Variants in BLM observed in about 807,000 individuals in gnomAD.
BLM encodes the protein recQ-like DNA helicase BLM.
A neutral mutation model predicts 135.3 loss-of-function variants in BLM; 95 were observed. The observed-to-expected ratio is 0.70, with a 90% CI of 0.59 to 0.83. The LOEUF (loss-of-function observed/expected upper bound fraction) is 0.83, where lower values mean the gene tolerates loss of function less well. Among genes scored for constraint, BLM ranks in the 40% least tolerant of loss-of-function variants. BLM has a pLI of 0.00. For synonymous variants in BLM, 520 were observed against 589.2 expected, an observed-to-expected ratio of 0.88 and a Z score of 1.70; for missense variants, 1,518 against 1,663.9, an observed-to-expected ratio of 0.91 and a Z score of 1.53.
chr15:90,726,992 T>A (rs1053313723), intron 1 of BLM, among the ~76,000 whole-genome samples: 4 of 152,200 alleles, frequency 2.6e-5, no homozygotes, highest in Admixed American at 2.6e-4. Flanking sequence ...TTTGTAGTTA[T>A]TTGAGGAACT....
chr15:90,749,289 T>C (rs28384987), intron 2 of BLM, 78 bp from the exon 3 acceptor site: 1 of 1,047,580 alleles, frequency 9.5e-7, no homozygotes, highest in Admixed American at 2.5e-5. Context: ...TGTGAATTAG[T>C]TTAAAAAATT....
At chr15:90,810,323 G>A (rs1414932813) in intron 20 of BLM, among the ~76,000 whole-genome samples, 1 of 152,146 alleles carries the variant, frequency 6.6e-6, no homozygotes, top group Non-Finnish European at 1.5e-5. Context: ...CTGAAGTGCT[G>A]GGGTTACAGG....
intron 1 of BLM, among the ~76,000 whole-genome samples, chr15:90,740,934 C>T (rs894458342): frequency 1.3e-5 from 2 of 152,046 alleles, no homozygotes; most frequent in Non-Finnish European, 2.9e-5. Flanking sequence ...TATAAATTAC[C>T]CACTCTCAGG....
At chr15:90,790,570 C>A (rs1896877858) in intron 14 of BLM, 79 bp from the exon 15 acceptor site, 2 of 1,350,458 alleles carry the variant, frequency 1.5e-6, no homozygotes, top group Non-Finnish European at 1.1e-6. Flanking sequence ...AATGATAGAG[C>A]TTTTAGAAGC....
chr15:90,779,563 A>G lies in BLM; in HGVS notation c.2556-3259A>G, dbSNP rs76801955. Among the ~76,000 whole-genome samples, 725 of 152,248 alleles carry G rather than the reference A, an allele frequency of 4.8e-3. 6 individuals are homozygous for G. Among genetic ancestry groups the G allele is most frequent in the African/African-American group, 0.017 (691 of 41,552 alleles). On this transcript the variant is annotated intron_variant, in intron 12 of 21. Transcript: ENST00000355112. ...CCTTTTTTGCCACAATCTGCTACAC[A>G]TTCTGCCTTTTCAAGCACTAAAAGG...
At chr15:90,792,082 ACTTTTTTTTTT>A (rs1896917879) in intron 15 of BLM, among the ~76,000 whole-genome samples, 1 of 111,726 alleles carries the variant, frequency 9.0e-6, no homozygotes, top group Non-Finnish European at 1.9e-5. Context: ...TTCTGAGACC[ACTTTTTTTTTT>A]CTTTTTTTTT....
chr15:90,767,341 C>T (rs1896162419), intron 10 of BLM, among the ~76,000 whole-genome samples: 2 of 152,284 alleles, frequency 1.3e-5, no homozygotes, highest in East Asian at 3.9e-4. Context: ...TACATTGATG[C>T]AGTACTATTA....
At chr15:90,736,435 T>A (rs954686306) in intron 1 of BLM, among the ~76,000 whole-genome samples, 2 of 151,956 alleles carry the variant, frequency 1.3e-5, no homozygotes, top group South Asian at 2.1e-4. Flanking sequence ...AATTTAAAAA[T>A]TTTTTTTATA....
chr15:90,744,139 G>T (rs1895439051), intron 1 of BLM, among the ~76,000 whole-genome samples: 1 of 152,172 alleles, frequency 6.6e-6, no homozygotes, highest in African/African-American at 2.4e-5. Flanking sequence ...TGGGAAAAGG[G>T]TAAGTAATGA....
chr15:90,725,516 C>A (rs11633882), intron 1 of BLM, among the ~76,000 whole-genome samples: 1 of 142,740 alleles, frequency 7.0e-6, no homozygotes, highest in South Asian at 2.2e-4. Flanking sequence ...TTTTTTGAGG[C>A]GGAGTCTCAC....
At chr15:90,735,706 A>T (rs929323792) in intron 1 of BLM, among the ~76,000 whole-genome samples, 2 of 152,120 alleles carry the variant, frequency 1.3e-5, no homozygotes. Flanking sequence ...AATTTTTTTT[A>T]AATTACCTAC....
At position 90,798,429 on chromosome 15, in the gene BLM, A is replaced by G. The variant is rs150433919; in HGVS notation, c.3358+92A>G. On this transcript the variant is annotated intron_variant, in intron 17 of 21. Transcript: ENST00000355112. ...AAGTACATAGAAAAACTTTTTGTCT[A>G]TTTTCTTATAAAACTTGAGTTTCTG... 3.5e-4 allele frequency: 473 copies of G among 1,368,984 alleles called. No homozygotes were observed. The African/African-American group carries it at 6.2e-3, about 18-fold the overall frequency. The allele number at this position is 1,368,984 out of a possible 1,614,324, so 84.8% of individuals were successfully genotyped here. A position where few individuals can be genotyped will look rare whatever the true frequency, so the allele number is the denominator to read the frequency against.
chr15:90,760,400 A>C, intron 6 of BLM, 121 bp downstream of exon 6: 1 of 1,368,960 alleles, frequency 7.3e-7, no homozygotes, highest in Non-Finnish European at 1.0e-6. Flanking sequence ...GATGATCATC[A>C]TGCCACTATG....
chr15:90,751,659 A>G, intron 3 of BLM, 128 bp from the exon 4 acceptor site: 2 of 726,606 alleles, frequency 2.8e-6, no homozygotes, highest in Non-Finnish European at 4.7e-6. Context: ...GTAAAGGGAG[A>G]GGATCCATAC....
chr15:90,804,307 T>C lies in BLM; in HGVS notation c.3699T>C (p.Phe1233=), dbSNP rs773406498. The change falls in exon 19 of 22, where the codon TTT becomes TTC. Residue 1233 remains phenylalanine, a synonymous_variant. Coordinates refer to ENST00000355112, the MANE Select transcript of BLM (RefSeq NM_000057.4). ...TCTGCAAATCTCTGGGGAAAGTTTTTGGTGTCCATTACTTCAATATTTTTA... is the reference window on the plus strand; with the variant it reads ...TCTGCAAATCTCTGGGGAAAGTTTTCGGTGTCCATTACTTCAATATTTTTA... ...TEVCKSLGKV[F]GVHYFNIFNT... is the part of the protein sequence containing the mutation. 2 of 1,614,204 alleles carry C rather than the reference T, an allele frequency of 1.2e-6. No individual in the cohort carries two copies. Among genetic ancestry groups the C allele is most frequent in the East Asian group, 4.5e-5 (2 of 44,890 alleles).
chr15:90,811,546 G>A (rs1364217823), intron 21 of BLM, 140 bp downstream of exon 21: 9 of 983,566 alleles, frequency 9.2e-6, no homozygotes, highest in Admixed American at 2.3e-5. Context: ...TGTTAATGGA[G>A]TGACAATTAA....
At chr15:90,740,363 TTAACA>T (rs1445088381) in intron 1 of BLM, among the ~76,000 whole-genome samples, 2 of 152,232 alleles carry the variant, frequency 1.3e-5, no homozygotes, top group African/African-American at 4.8e-5. Flanking sequence ...ATTCTTTCAC[TTAACA>T]TAATGGTTTC....
At chr15:90,806,584 G>C (rs1897291422) in intron 19 of BLM, among the ~76,000 whole-genome samples, 1 of 150,822 alleles carries the variant, frequency 6.6e-6, no homozygotes, top group Admixed American at 6.6e-5. Flanking sequence ...ATGCTTCTTT[G>C]AATCTGGATC....
intron 1 of BLM, among the ~76,000 whole-genome samples, chr15:90,735,960 A>AT (rs1199648755): frequency 1.3e-5 from 2 of 152,256 alleles, no homozygotes; most frequent in South Asian, 2.1e-4. Context: ...GGCAGAATAC[A>AT]TGAGCAGATA....
Sources: allele counts gnomAD v4.1 joint callset (sites outside exome capture counted in the v4.1 genomes callset), GRCh38; gene constraint gnomAD v4.1.1; transcripts MANE v1.5; gene names NCBI Gene and HGNC (gene_info 2026-07-23, HGNC 2026-07-21).